Variants in KCNIP4 observed in about 807,000 individuals in gnomAD.
The protein encoded by KCNIP4 is Kv channel-interacting protein 4.
A neutral mutation model predicts 34.0 loss-of-function variants in KCNIP4; 12 were observed. That is an observed-to-expected ratio of 0.35 (90% CI 0.23 to 0.57). The LOEUF is 0.57. Ranked by LOEUF, KCNIP4 falls within the 20% of genes least tolerant of loss-of-function variation. The pLI is 0.83. For missense variants in KCNIP4, 238 were observed against 311.7 expected, an observed-to-expected ratio of 0.76 and a Z score of 1.78; for synonymous variants, 124 against 102.2, an observed-to-expected ratio of 1.21 and a Z score of -1.29.
chr4:21,523,043 A>AG (rs1186898822), intron 1 of KCNIP4, among the ~76,000 whole-genome samples: 2 of 151,136 alleles, frequency 1.3e-5, no homozygotes, highest in Non-Finnish European at 1.5e-5. Flanking sequence ...TTAAAAAAAA[A>AG]GGGGGGGACA....
intron 1 of KCNIP4, 85 bp from the exon 2 acceptor site, chr4:20,882,794 G>T: frequency 9.7e-7 from 1 of 1,035,416 alleles, no homozygotes; most frequent in Non-Finnish European, 1.5e-6. Context: ...AAGCCAGGCA[G>T]GAAGGATCAG....
intron 1 of KCNIP4, among the ~76,000 whole-genome samples, chr4:21,599,526 A>T (rs919663039): frequency 6.6e-6 from 1 of 152,092 alleles, no homozygotes; most frequent in African/African-American, 2.4e-5. Flanking sequence ...TAAGTACCAT[A>T]AATGGATTGA....
rs149050144 is a variant in KCNIP4 at position 21,323,511 on chromosome 4, C to A, written c.62-440802G>T. On this transcript the variant is annotated intron_variant, in intron 1 of 8. Transcript: ENST00000382152. ...ACTCCCACAATTAAGTGTGAACATG[C>A]GAAGTTTGTCTTTCTGTGCCTGGCT... Among the ~76,000 whole-genome samples the A allele has an allele frequency of 5.5e-3, 836 of 152,024 alleles. 4 individuals carry two copies. Among genetic ancestry groups the A allele is most frequent in the African/African-American group, 0.019 (797 of 41,510 alleles).
intron 1 of KCNIP4, among the ~76,000 whole-genome samples, chr4:21,022,201 T>A (rs535616168): frequency 2.0e-5 from 3 of 152,316 alleles, no homozygotes; most frequent in African/African-American, 7.2e-5. Flanking sequence ...TAATTTCAAT[T>A]GCTGTTCCAA....
At chr4:21,515,813 A>G (rs1353803844) in intron 1 of KCNIP4, among the ~76,000 whole-genome samples, 1 of 152,092 alleles carries the variant, frequency 6.6e-6, no homozygotes, top group Non-Finnish European at 1.5e-5. Flanking sequence ...CTCTTCCACC[A>G]TGGGATGACA....
chr4:21,358,468 T>A (rs1718888244), intron 1 of KCNIP4, among the ~76,000 whole-genome samples: 1 of 152,166 alleles, frequency 6.6e-6, no homozygotes, highest in Non-Finnish European at 1.5e-5. Context: ...TTGGTCTACT[T>A]GACTCAGAGA....
intron 1 of KCNIP4, among the ~76,000 whole-genome samples, chr4:21,797,472 T>C (rs938324038): frequency 5.8e-5 from 3 of 51,496 alleles, no homozygotes; most frequent in African/African-American, 1.1e-4. Context: ...AAAACATCAG[T>C]TTTTTTTTTT....
At chr4:20,939,739 C>T (rs1362641509) in intron 1 of KCNIP4, among the ~76,000 whole-genome samples, 2 of 152,166 alleles carry the variant, frequency 1.3e-5, no homozygotes, top group Non-Finnish European at 2.9e-5. Context: ...GACTATACCA[C>T]TTTCTTACCC....
intron 1 of KCNIP4, among the ~76,000 whole-genome samples, chr4:21,343,804 A>G (rs770771665): frequency 6.6e-6 from 1 of 152,126 alleles, no homozygotes; most frequent in South Asian, 2.1e-4. Flanking sequence ...ATAGGCAGGA[A>G]GAAACAAATG....
chr4:21,409,188 C>A (rs1461156939), intron 1 of KCNIP4, among the ~76,000 whole-genome samples: 1 of 151,646 alleles, frequency 6.6e-6, no homozygotes, highest in Non-Finnish European at 1.5e-5. Context: ...CTCACTGCAA[C>A]CTCGACCTCC....
intron 1 of KCNIP4, among the ~76,000 whole-genome samples, chr4:21,451,033 A>G (rs1188259012): frequency 2.0e-5 from 3 of 152,168 alleles, no homozygotes; most frequent in Non-Finnish European, 1.5e-5. Flanking sequence ...CAAAAACGAC[A>G]TAATAGTGAA....
intron 1 of KCNIP4, among the ~76,000 whole-genome samples, chr4:21,283,358 G>A (rs2109176482): frequency 6.6e-6 from 1 of 152,024 alleles, no homozygotes; most frequent in Admixed American, 6.6e-5. Context: ...AAAAATTTCA[G>A]CCAGCTAGGT....
intron 1 of KCNIP4, among the ~76,000 whole-genome samples, chr4:21,534,520 C>A (rs564792009): frequency 6.6e-6 from 1 of 152,050 alleles, no homozygotes; most frequent in Admixed American, 6.6e-5. Context: ...AGTGATAGTG[C>A]CCATATTGAA....
chr4:21,032,745 C>T (rs554751610), intron 1 of KCNIP4, among the ~76,000 whole-genome samples: 1 of 147,664 alleles, frequency 6.8e-6, no homozygotes, highest in Non-Finnish European at 1.5e-5. Flanking sequence ...TTCAGGAAAC[C>T]TTGACAACTA....
At chr4:21,871,786 C>A (rs1725833270) in intron 1 of KCNIP4, among the ~76,000 whole-genome samples, 1 of 144,854 alleles carries the variant, frequency 6.9e-6, no homozygotes, top group Non-Finnish European at 1.5e-5. Flanking sequence ...CCACCCCCAC[C>A]CCCCGCCTTA....
intron 1 of KCNIP4, among the ~76,000 whole-genome samples, chr4:20,967,768 C>A (rs981884361): frequency 3.7e-4 from 56 of 152,072 alleles, no homozygotes; most frequent in Non-Finnish European, 6.9e-4. Context: ...ACACCTTATA[C>A]AAAAATTAAC....
chr4:21,905,286 T>A (rs1426350936), intron 1 of KCNIP4, among the ~76,000 whole-genome samples: 3 of 152,138 alleles, frequency 2.0e-5, no homozygotes, highest in South Asian at 2.1e-4. Flanking sequence ...CAAGGTTACA[T>A]CATGCTGCTC....
At chr4:21,205,745 A>G (rs572411389) in intron 1 of KCNIP4, among the ~76,000 whole-genome samples, 8 of 152,346 alleles carry the variant, frequency 5.3e-5, no homozygotes, top group East Asian at 1.9e-4. Flanking sequence ...CTGAGGTCAC[A>G]CGGTTAATAA....
chr4:21,492,586 C>T (rs1732504426), intron 1 of KCNIP4, among the ~76,000 whole-genome samples: 1 of 152,064 alleles, frequency 6.6e-6, no homozygotes, highest in African/African-American at 2.4e-5. Context: ...TGTTAGTTCA[C>T]AGTGTTGAGT....
Sources: allele counts gnomAD v4.1 joint callset (sites outside exome capture counted in the v4.1 genomes callset), GRCh38; gene constraint gnomAD v4.1.1; transcripts MANE v1.5; gene names NCBI Gene and HGNC (gene_info 2026-07-23, HGNC 2026-07-21).